Variants in KIF13B observed in about 807,000 individuals in gnomAD.
KIF13B encodes kinesin family member 13B, also known as kinesin-like protein KIF13B.
Under a neutral mutation model 222.0 loss-of-function variants are expected in KIF13B, and 127 were observed. The observed-to-expected ratio is 0.57, with a 90% CI of 0.50 to 0.66. The LOEUF is 0.66. KIF13B is among the 30% of genes least tolerant of loss of function. The pLI is 0.00. For synonymous variants in KIF13B, 976 were observed against 919.0 expected (o/e 1.06, Z -1.12); for missense variants, 2,173 against 2,379.0 (o/e 0.91, Z 1.80).
Position 29,201,011 on chromosome 8 carries a change from T to C in KIF13B, c.150-4812A>G, listed in dbSNP as rs531754356. Among the ~76,000 whole-genome samples the C allele has an allele frequency of 2.6e-5, 4 of 152,334 alleles. No individual in the cohort carries two copies. The South Asian group carries it at 8.3e-4, about 32-fold the overall frequency. The stretch of plus-strand genomic sequence containing the variant: ...GAGGTTTCCCACAGTAAAATTACTA[T>C]TTTTACCTTCGTAACAAATAAGAAT... On this transcript the variant is annotated intron_variant, in intron 2 of 39. Transcript: ENST00000524189.
chr8:29,263,270 G>T (rs1035661212), upstream of KIF13B: 2 of 534,970 alleles, frequency 3.7e-6, no homozygotes, highest in South Asian at 2.4e-5. Context: ...GGCGCGAGTC[G>T]TTTGCTACAA....
intron 1 of KIF13B, among the ~76,000 whole-genome samples, chr8:29,253,787 G>A (rs1221887820): frequency 7.8e-5 from 9 of 116,096 alleles, no homozygotes; most frequent in Admixed American, 1.3e-4. Context: ...CCAAGATTAC[G>A]ACATTACACT....
chr8:29,073,889 C>G (rs911847305), intron 38 of KIF13B, among the ~76,000 whole-genome samples: 13 of 152,196 alleles, frequency 8.5e-5, no homozygotes, highest in Non-Finnish European at 7.3e-5. Flanking sequence ...AAAATTTACT[C>G]AATCCAATAG....
intron 16 of KIF13B, 36 bp from the exon 17 acceptor site, chr8:29,147,638 G>C (rs1419507015): frequency 1.4e-6 from 2 of 1,442,054 alleles, no homozygotes; most frequent in Non-Finnish European, 1.9e-6. Flanking sequence ...ATGATCGAGA[G>C]TTACAACATA....
intron 18 of KIF13B, among the ~76,000 whole-genome samples, chr8:29,145,226 GATCAT>G (rs1394939863): frequency 6.6e-6 from 1 of 152,088 alleles, no homozygotes; most frequent in Non-Finnish European, 1.5e-5. Context: ...GTAAAGTAAC[GATCAT>G]ATCATATTTA....
intron 34 of KIF13B, among the ~76,000 whole-genome samples, 188 bp downstream of exon 34, chr8:29,109,246 A>G (rs149764580): frequency 2.9e-3 from 445 of 152,286 alleles, no homozygotes; most frequent in African/African-American, 9.7e-3. Flanking sequence ...TACTTCCCCT[A>G]TAATATTAGT....
intron 8 of KIF13B, 47 bp from the exon 9 acceptor site, chr8:29,177,625 G>T: frequency 7.9e-7 from 1 of 1,263,402 alleles, no homozygotes; most frequent in Non-Finnish European, 1.2e-6. Context: ...CACAGGGCCA[G>T]GTGTGGTGGC....
At chr8:29,241,213 C>T (rs1401560443) in intron 2 of KIF13B, among the ~76,000 whole-genome samples, 1 of 152,160 alleles carries the variant, frequency 6.6e-6, no homozygotes, top group East Asian at 1.9e-4. Flanking sequence ...TGTATGATTT[C>T]ATTTATAGGA....
rs557801227 is a variant in KIF13B at position 29,225,953 on chromosome 8, C to T, written c.149+19393G>A. Among the ~76,000 whole-genome samples, 6 of 152,306 alleles carry T rather than the reference C, an allele frequency of 3.9e-5. No homozygotes were observed. The East Asian group carries it at 5.8e-4, about 15-fold the overall frequency. Reference sequence around the variant, plus strand: ...AACTCAAGGGTGAAGTGAGAGGGAACGTTTAAGGTCAAGAGCATGACTGCC... The same window carrying T: ...AACTCAAGGGTGAAGTGAGAGGGAATGTTTAAGGTCAAGAGCATGACTGCC... On this transcript the variant is annotated intron_variant, in intron 2 of 39. Transcript: ENST00000524189.
intron 1 of KIF13B, among the ~76,000 whole-genome samples, chr8:29,259,058 G>A (rs1816589295): frequency 6.6e-6 from 1 of 151,914 alleles, no homozygotes; most frequent in Non-Finnish European, 1.5e-5. Flanking sequence ...TTTTTACATA[G>A]TAATAATAAT....
chr8:29,111,315 G>A (rs955684768), intron 32 of KIF13B, among the ~76,000 whole-genome samples: 1 of 152,204 alleles, frequency 6.6e-6, no homozygotes, highest in East Asian at 1.9e-4. Context: ...ATTTTATAAG[G>A]AGAAAGAAAT....
intron 3 of KIF13B, 102 bp from the exon 4 acceptor site, chr8:29,191,159 G>A: frequency 2.5e-6 from 2 of 810,080 alleles, no homozygotes; most frequent in South Asian, 3.6e-5. Flanking sequence ...ACAACTTACT[G>A]TCATACAATG....
In KIF13B at chr8:29,167,593, A is replaced by T; in HGVS notation, c.946-8T>A. 1 of 1,611,080 alleles carries T rather than the reference A, an allele frequency of 6.2e-7. No individual in the cohort carries two copies. The highest frequency in any genetic ancestry group is 8.5e-7 in the Non-Finnish European group (1 of 1,177,200). On this transcript the variant is annotated splice_polypyrimidine_tract_variant and splice_region_variant and intron_variant, in intron 10 of 39. Coordinates refer to ENST00000524189, the MANE Select transcript of KIF13B (RefSeq NM_015254.4). ...GTTACCCCCGAGGCTGTCCTACAGG[A>T]GAAAACAGAAAGTTGAGTAGCATAT...
At chr8:29,225,985 A>G (rs957021688) in intron 2 of KIF13B, among the ~76,000 whole-genome samples, 9 of 152,254 alleles carry the variant, frequency 5.9e-5, no homozygotes, top group Non-Finnish European at 8.8e-5. Context: ...TGCCTGGCAT[A>G]TAAGTAACTA....
chr8:29,107,789 T>A (rs1340021442), intron 35 of KIF13B, among the ~76,000 whole-genome samples: 1 of 152,126 alleles, frequency 6.6e-6, no homozygotes, highest in African/African-American at 2.4e-5. Flanking sequence ...CTCGATCTCC[T>A]GACCTCGTGA....
chr8:29,165,479 T>C (rs1811951953), intron 12 of KIF13B, among the ~76,000 whole-genome samples, 183 bp downstream of exon 12: 1 of 152,250 alleles, frequency 6.6e-6, no homozygotes, highest in African/African-American at 2.4e-5. Flanking sequence ...AGTGCAATTA[T>C]ATCCTGTTTA....
At chr8:29,249,003 T>G (rs557943027) in intron 1 of KIF13B, among the ~76,000 whole-genome samples, 4 of 152,346 alleles carry the variant, frequency 2.6e-5, no homozygotes, top group African/African-American at 9.6e-5. Context: ...GTATGGGGCA[T>G]GAATGATGTC....
rs1422383873 is a variant in KIF13B at position 29,186,372 on chromosome 8, A to G, written c.417T>C (p.Asn139=). ...CTTCTACTTTAAAACTCTGTTCTTC[A>G]TTTTCCTCTTTCTGAGTTCGTTCAA... The part of the protein sequence containing the change: ...GLFERTQKEE[N]EEQSFKVEVS... The change falls in exon 6 of 40, where the codon AAT becomes AAC. Residue 139 remains asparagine, a synonymous_variant. Coordinates refer to ENST00000524189, the MANE Select transcript of KIF13B (RefSeq NM_015254.4). The G allele has an allele frequency of 6.2e-7, 1 of 1,613,746 alleles. No homozygotes were observed. Among genetic ancestry groups the G allele is most frequent in the Non-Finnish European group, 8.5e-7 (1 of 1,179,766 alleles).
chr8:29,075,412 C>A, intron 37 of KIF13B, 69 bp from the exon 38 acceptor site: 1 of 1,426,838 alleles, frequency 7.0e-7, no homozygotes, highest in Non-Finnish European at 9.5e-7. Context: ...GTTTCCGCTG[C>A]ACAGGCTGGA....
Sources: allele counts gnomAD v4.1 joint callset (sites outside exome capture counted in the v4.1 genomes callset), GRCh38; gene constraint gnomAD v4.1.1; transcripts MANE v1.5; gene names NCBI Gene and HGNC (gene_info 2026-07-23, HGNC 2026-07-21).